Variants in CHCHD3 observed in about 807,000 individuals in gnomAD.
CHCHD3 encodes the protein MICOS complex subunit MIC19.
CHCHD3 carries 20 observed loss-of-function variants against 38.2 expected under a neutral mutation model. The ratio of observed to expected loss-of-function variants is 0.52; its 90% CI spans 0.37 to 0.76. The LOEUF (loss-of-function observed/expected upper bound fraction) is 0.76, where lower values mean the gene tolerates loss of function less well. CHCHD3 is among the 30% of genes least tolerant of loss of function. The probability of loss-of-function intolerance (pLI) is 0.00; values close to 1 mark genes in which losing one functional copy is unlikely to be tolerated. For missense variants in CHCHD3, 245 were observed against 279.2 expected (o/e 0.88, Z 0.87); for synonymous variants, 82 against 100.0 (o/e 0.82, Z 1.07).
At chr7:132,927,103 C>A (rs1014885134) in intron 4 of CHCHD3, among the ~76,000 whole-genome samples, 1 of 152,160 alleles carries the variant, frequency 6.6e-6, no homozygotes, top group African/African-American at 2.4e-5. Context: ...ACATATAAAC[C>A]CATGCCCCCA....
intron 1 of CHCHD3, among the ~76,000 whole-genome samples, chr7:133,077,820 G>C (rs1278931620): frequency 6.6e-6 from 1 of 152,132 alleles, no homozygotes; most frequent in Non-Finnish European, 1.5e-5. Context: ...TTGGAATCAG[G>C]TGTAAAAATA....
At chr7:132,871,840 C>T (rs1052284259) in intron 5 of CHCHD3, among the ~76,000 whole-genome samples, 1 of 152,006 alleles carries the variant, frequency 6.6e-6, no homozygotes, top group African/African-American at 2.4e-5. Flanking sequence ...CAACTCATCA[C>T]AAGTATTATA....
intron 5 of CHCHD3, among the ~76,000 whole-genome samples, chr7:132,851,610 T>C (rs770390641): frequency 6.6e-6 from 1 of 152,210 alleles, no homozygotes; most frequent in Non-Finnish European, 1.5e-5. Context: ...GACAAAGCAA[T>C]TTCACAGTTA....
intron 6 of CHCHD3, among the ~76,000 whole-genome samples, chr7:132,797,123 C>A (rs941763651): frequency 1.3e-5 from 2 of 152,172 alleles, no homozygotes; most frequent in African/African-American, 4.8e-5. Flanking sequence ...GCACTTTCTA[C>A]ACAAAATACA....
intron 5 of CHCHD3, among the ~76,000 whole-genome samples, chr7:132,861,106 A>G (rs1808479097): frequency 6.6e-6 from 1 of 152,228 alleles, no homozygotes; most frequent in Non-Finnish European, 1.5e-5. Flanking sequence ...TTTTGGAAGT[A>G]GAATCAACAG....
intron 3 of CHCHD3, among the ~76,000 whole-genome samples, chr7:132,996,582 T>TC (rs1418313715): frequency 1.3e-5 from 2 of 152,188 alleles, no homozygotes; most frequent in African/African-American, 4.8e-5. Context: ...GTTGCTAAAA[T>TC]TGAGAAGGTA....
chr7:133,008,654 G>C (rs1157659404), intron 3 of CHCHD3, among the ~76,000 whole-genome samples: 1 of 152,026 alleles, frequency 6.6e-6, no homozygotes, highest in Non-Finnish European at 1.5e-5. Context: ...TAAAGAATTT[G>C]ATCTTTTCTT....
intron 7 of CHCHD3, among the ~76,000 whole-genome samples, chr7:132,789,771 G>A (rs912076752): frequency 2.0e-5 from 3 of 152,000 alleles, no homozygotes; most frequent in Admixed American, 6.6e-5. Flanking sequence ...CTTACCCAGC[G>A]CCTCACCAAG....
At chr7:132,952,121 G>A (rs1371535465) in intron 4 of CHCHD3, among the ~76,000 whole-genome samples, 2 of 152,228 alleles carry the variant, frequency 1.3e-5, no homozygotes, top group Non-Finnish European at 2.9e-5. Flanking sequence ...TGACCAGCAG[G>A]TTTGCTAGGC....
intron 4 of CHCHD3, 145 bp downstream of exon 4, chr7:132,975,024 A>C (rs1253147526): frequency 1.5e-6 from 1 of 655,232 alleles, no homozygotes; most frequent in Non-Finnish European, 2.6e-6. Flanking sequence ...TAAGCTACTT[A>C]TAAAAGGCAA....
intron 2 of CHCHD3, among the ~76,000 whole-genome samples, chr7:133,051,032 T>A (rs150982758): frequency 2.8e-4 from 42 of 152,090 alleles, no homozygotes; most frequent in African/African-American, 8.9e-4. Context: ...TAAAATAAAA[T>A]CTTATAATTA....
chr7:133,060,635 G>A (rs1394055281), intron 2 of CHCHD3, among the ~76,000 whole-genome samples: 2 of 152,176 alleles, frequency 1.3e-5, no homozygotes, highest in East Asian at 1.9e-4. Context: ...GAGGCCGGGT[G>A]CGGTGGCTCA....
intron 3 of CHCHD3, among the ~76,000 whole-genome samples, chr7:133,018,927 A>T (rs1399110457): frequency 9.1e-6 from 1 of 110,140 alleles, no homozygotes; most frequent in Non-Finnish European, 1.7e-5. Context: ...CTTATTGCCC[A>T]GGCTGGAGTG....
intron 6 of CHCHD3, among the ~76,000 whole-genome samples, chr7:132,802,292 G>C (rs1806813583): frequency 6.6e-6 from 1 of 152,024 alleles, no homozygotes; most frequent in South Asian, 2.1e-4. Flanking sequence ...GGTGCTCAGG[G>C]GAGAGTAACA....
intron 5 of CHCHD3, among the ~76,000 whole-genome samples, chr7:132,859,970 T>C (rs761503256): frequency 6.6e-6 from 1 of 152,128 alleles, no homozygotes; most frequent in Non-Finnish European, 1.5e-5. Context: ...CACCTAAAAT[T>C]TAAATTGATT....
chr7:132,860,555 T>C (rs1808464433), intron 5 of CHCHD3, among the ~76,000 whole-genome samples: 1 of 152,036 alleles, frequency 6.6e-6, no homozygotes, highest in Non-Finnish European at 1.5e-5. Context: ...AGGCATGTAA[T>C]GGGTTTGGAT....
At chr7:133,023,098 T>C (rs559817058) in intron 3 of CHCHD3, among the ~76,000 whole-genome samples, 14 of 152,200 alleles carry the variant, frequency 9.2e-5, no homozygotes, top group Middle Eastern at 3.4e-3. Context: ...CTGAATTTTT[T>C]TGGAATATTT....
chr7:132,855,007 A>G (rs778684354), intron 5 of CHCHD3, among the ~76,000 whole-genome samples: 55 of 152,190 alleles, frequency 3.6e-4, no homozygotes, highest in Admixed American at 2.0e-3. Flanking sequence ...TATGATAAAA[A>G]CCAGCCAAGA....
At chr7:133,007,483 C>G (rs1409203986) in intron 3 of CHCHD3, among the ~76,000 whole-genome samples, 4 of 152,024 alleles carry the variant, frequency 2.6e-5, no homozygotes, top group African/African-American at 9.7e-5. Flanking sequence ...CTTTTGAGAC[C>G]CTAGCAAGCA....
Sources: gnomAD v4.1 joint callset for allele counts (sites outside exome capture counted in the v4.1 genomes callset) on GRCh38, gnomAD v4.1.1 for gene constraint, MANE v1.5 for transcripts, NCBI Gene and HGNC (gene_info 2026-07-23, HGNC 2026-07-21) for gene names.